The following MYO5B variants were observed in gnomAD, a reference collection of about 807,000 sequenced individuals.
MYO5B encodes unconventional myosin-Vb.
Under a neutral mutation model 229.3 loss-of-function variants are expected in MYO5B, and 143 were observed. The ratio of observed to expected loss-of-function variants is 0.62; its 90% CI spans 0.54 to 0.72. The LOEUF is 0.72. MYO5B is among the 30% of genes least tolerant of loss of function. MYO5B has a pLI of 0.00. For missense variants in MYO5B, 2,321 were observed against 2,331.0 expected, an observed-to-expected ratio of 1.00 and a Z score of 0.09; for synonymous variants, 918 against 885.2, an observed-to-expected ratio of 1.04 and a Z score of -0.66.
intron 8 of MYO5B, among the ~76,000 whole-genome samples, chr18:49,982,659 A>C (rs1220911370): frequency 6.6e-6 from 1 of 152,172 alleles, no homozygotes; most frequent in African/African-American, 2.4e-5. Context: ...TTCTATCGGA[A>C]CACAGTCATG....
intron 17 of MYO5B, 24 bp from the exon 18 acceptor site, chr18:49,912,197 C>A: frequency 1.3e-6 from 2 of 1,575,262 alleles, no homozygotes; most frequent in Non-Finnish European, 1.7e-6. Context: ...AAAGGGGCAT[C>A]AGGTGACACA....
At chr18:50,130,991 T>C (rs2032245927) in intron 1 of MYO5B, among the ~76,000 whole-genome samples, 1 of 152,278 alleles carries the variant, frequency 6.6e-6, no homozygotes, top group East Asian at 1.9e-4. Flanking sequence ...CCCATGCCTA[T>C]CATGTTCCAG....
intron 25 of MYO5B, among the ~76,000 whole-genome samples, chr18:49,877,418 T>C (rs1355864269): frequency 6.6e-6 from 1 of 152,198 alleles, no homozygotes; most frequent in East Asian, 1.9e-4. Context: ...TGGGGATAAG[T>C]TGTATCTATT....
intron 1 of MYO5B, among the ~76,000 whole-genome samples, chr18:50,072,471 C>T (rs2030980308): frequency 6.6e-6 from 1 of 152,020 alleles, no homozygotes; most frequent in South Asian, 2.1e-4. Flanking sequence ...GTGGTGTGAA[C>T]GCTGGCCCCA....
chr18:50,037,082 C>T lies in MYO5B; in HGVS notation c.311-88G>A, dbSNP rs553751666. The T allele has an allele frequency of 1.1e-4, 157 of 1,448,018 alleles. 5 individuals are homozygous for T. In the South Asian group the frequency reaches 1.7e-3, roughly 16 times the overall value. 89.7% of individuals were successfully genotyped at this position (1,448,018 alleles called of 1,614,324 possible). A position where few individuals can be genotyped will look rare whatever the true frequency, so the allele number is the denominator to read the frequency against. On this transcript the variant is annotated intron_variant, in intron 3 of 39. Coordinates refer to ENST00000285039, the MANE Select transcript of MYO5B (RefSeq NM_001080467.3). ...AGGCACCCATCCATTCATACACATG[C>T]CAAAAACCAAAGAATGAGAGGGCAG...
At chr18:49,904,852 A>C in intron 19 of MYO5B, 24 bp from the exon 20 acceptor site, 1 of 1,612,078 alleles carries the variant, frequency 6.2e-7, no homozygotes, top group Non-Finnish European at 8.5e-7. Flanking sequence ...GGAAACAGGC[A>C]GTGTCAGGGA....
At chr18:50,094,835 T>C (rs1390618431) in intron 1 of MYO5B, among the ~76,000 whole-genome samples, 1 of 144,732 alleles carries the variant, frequency 6.9e-6, no homozygotes, top group African/African-American at 2.7e-5. Context: ...TATAAACCTG[T>C]ACATTTTTTT....
intron 1 of MYO5B, among the ~76,000 whole-genome samples, chr18:50,145,453 A>C (rs1417243082): frequency 7.3e-6 from 1 of 136,928 alleles, no homozygotes; most frequent in African/African-American, 2.8e-5. Flanking sequence ...AGCTGAGATC[A>C]CACCACTGCA....
intron 10 of MYO5B, among the ~76,000 whole-genome samples, chr18:49,969,375 G>C (rs16951329): frequency 0.034 from 5,106 of 152,242 alleles, 298 homozygotes; most frequent in African/African-American, 0.12. Flanking sequence ...TGAACAGTGG[G>C]TCTAAGAAGT....
At position 50,006,786 on chromosome 18, in the gene MYO5B, T is replaced by G. The variant is rs561974877; in HGVS notation, c.456-5375A>C. Among the ~76,000 whole-genome samples the G allele has an allele frequency of 2.6e-5, 4 of 152,250 alleles. No individual in the cohort carries two copies. The East Asian group carries it at 7.7e-4, about 29-fold the overall frequency. ...TGGCTGGCAGGGCACCTGAGGTCAC[T>G]CTGCTCAAAGGAGAGGCCTGCTGAT... On this transcript the variant is annotated intron_variant, in intron 4 of 39. Transcript: ENST00000285039.
At chr18:50,053,424 C>G (rs1434923153) in intron 2 of MYO5B, among the ~76,000 whole-genome samples, 1 of 151,432 alleles carries the variant, frequency 6.6e-6, no homozygotes, top group Admixed American at 6.6e-5. Context: ...TACCTCCGTG[C>G]AACTTTTTAA....
intron 5 of MYO5B, among the ~76,000 whole-genome samples, chr18:49,999,778 TG>T (rs1260421522): frequency 2.0e-5 from 3 of 152,176 alleles, no homozygotes; most frequent in African/African-American, 4.8e-5. Flanking sequence ...AATGCAAATT[TG>T]GGGGGCCCCT....
intron 2 of MYO5B, among the ~76,000 whole-genome samples, chr18:50,049,502 T>C (rs2030333756): frequency 1.3e-5 from 2 of 152,242 alleles, no homozygotes; most frequent in African/African-American, 4.8e-5. Flanking sequence ...AGCCACAGTT[T>C]AACTCCTAAC....
At chr18:50,000,193 T>C (rs1223418189) in intron 5 of MYO5B, among the ~76,000 whole-genome samples, 3 of 152,190 alleles carry the variant, frequency 2.0e-5, no homozygotes, top group Non-Finnish European at 2.9e-5. Flanking sequence ...AGGTTCTTGT[T>C]TCCCTAAGCT....
rs151038763 is a variant in MYO5B at position 49,835,996 on chromosome 18, T to C, written c.5314-572A>G. On this transcript the variant is annotated intron_variant, in intron 38 of 39. Coordinates refer to ENST00000285039, the MANE Select transcript of MYO5B (RefSeq NM_001080467.3). ...AAGAGAAGAAAAATGTTTGAAGACT[T>C]TCTGGAAATGTTTACAGAAGGAAGC... Among the ~76,000 whole-genome samples, 236 of 152,356 alleles carry C rather than the reference T, an allele frequency of 1.5e-3. 1 individual carries two copies. The highest frequency in any genetic ancestry group is 5.6e-3 in the African/African-American group (232 of 41,582).
At chr18:49,949,772 C>G (rs144002334) in intron 14 of MYO5B, among the ~76,000 whole-genome samples, 6 of 152,220 alleles carry the variant, frequency 3.9e-5, no homozygotes, top group Admixed American at 3.9e-4. Flanking sequence ...AAAAATTAAG[C>G]GTTACAATTT....
At chr18:50,039,429 T>C (rs1030684957) in intron 3 of MYO5B, among the ~76,000 whole-genome samples, 4 of 152,114 alleles carry the variant, frequency 2.6e-5, no homozygotes, top group African/African-American at 9.7e-5. Flanking sequence ...ACTCCCCGGT[T>C]CAAGCGATTC....
chr18:49,898,588 G>A (rs558491634), intron 21 of MYO5B, among the ~76,000 whole-genome samples: 7 of 152,276 alleles, frequency 4.6e-5, no homozygotes, highest in East Asian at 1.9e-4. Flanking sequence ...ATATATCACC[G>A]TAGGATATGG....
At chr18:49,959,175 G>A (rs769069855) in intron 12 of MYO5B, among the ~76,000 whole-genome samples, 6 of 152,092 alleles carry the variant, frequency 3.9e-5, no homozygotes, top group Non-Finnish European at 5.9e-5. Flanking sequence ...CTCTCCCCAC[G>A]ACGCTCTTCC....
Sources: gnomAD v4.1 joint callset for allele counts (sites outside exome capture counted in the v4.1 genomes callset) on GRCh38, gnomAD v4.1.1 for gene constraint, MANE v1.5 for transcripts, NCBI Gene and HGNC (gene_info 2026-07-23, HGNC 2026-07-21) for gene names.